The following PREP variants were observed in gnomAD, a reference collection of about 807,000 sequenced individuals.
PREP encodes the protein dJ355L5.1 (prolyl endopeptidase).
PREP carries 29 observed loss-of-function variants against 87.6 expected under a neutral mutation model. The observed-to-expected ratio is 0.33, with a 90% CI of 0.25 to 0.45. The LOEUF (loss-of-function observed/expected upper bound fraction) is 0.45. Ranked by LOEUF, PREP falls within the 20% of genes least tolerant of loss-of-function variation. PREP has a pLI of 1.00. For synonymous variants in PREP, 337 were observed against 328.6 expected (o/e 1.03, Z -0.28); for missense variants, 695 against 886.5 (o/e 0.78, Z 2.74).
chr6:105,369,403 A>G (rs1394782525), intron 5 of PREP, among the ~76,000 whole-genome samples: 2 of 152,242 alleles, frequency 1.3e-5, no homozygotes, highest in Non-Finnish European at 2.9e-5. Context: ...TTGTCTACAG[A>G]TTTAATGAAA....
intron 6 of PREP, among the ~76,000 whole-genome samples, chr6:105,360,870 C>A (rs1005460026): frequency 6.6e-6 from 1 of 152,160 alleles, no homozygotes; most frequent in African/African-American, 2.4e-5. Context: ...GAGTCTTGAT[C>A]AAACAATTCC....
chr6:105,333,210 G>A (rs1256024967), intron 8 of PREP, 104 bp downstream of exon 8: 3 of 1,146,554 alleles, frequency 2.6e-6, no homozygotes, highest in African/African-American at 3.1e-5. Context: ...CAGGTTGAAG[G>A]TTTTTTACCT....
At chr6:105,305,542 G>C (rs1770636460) in intron 10 of PREP, among the ~76,000 whole-genome samples, 1 of 152,172 alleles carries the variant, frequency 6.6e-6, no homozygotes, top group Non-Finnish European at 1.5e-5. Flanking sequence ...TAGTGGGGTG[G>C]GGAAAAACGG....
At chr6:105,330,242 TA>T (rs1407129515) in intron 8 of PREP, among the ~76,000 whole-genome samples, 1 of 152,102 alleles carries the variant, frequency 6.6e-6, no homozygotes, top group African/African-American at 2.4e-5. Flanking sequence ...TGCACGTGTC[TA>T]ACAGCTGAAT....
chr6:105,378,262 C>T (rs1395178349), intron 2 of PREP, among the ~76,000 whole-genome samples: 1 of 152,116 alleles, frequency 6.6e-6, no homozygotes, highest in Non-Finnish European at 1.5e-5. Flanking sequence ...AGATCGAGAC[C>T]ACCCTGGCCA....
chr6:105,283,337 A>T lies in PREP; in HGVS notation c.1550-755T>A, dbSNP rs1050919819. 5.9e-5 allele frequency among the ~76,000 whole-genome samples: 9 copies of T among 152,240 alleles called. No individual in the cohort carries two copies. In the South Asian group the frequency reaches 6.2e-4, roughly 11 times the overall value. On this transcript the variant is annotated intron_variant, in intron 12 of 14. Transcript: ENST00000652536. The stretch of plus-strand genomic sequence containing the variant: ...TGGAGAAACATTTACAGGGCCATGA[A>T]ATATCTATAAGTAAAGGCCAAAAGT...
chr6:105,298,048 C>T (rs1378376663), intron 10 of PREP: 2 of 152,190 alleles, frequency 1.3e-5, no homozygotes, highest in Non-Finnish European at 2.9e-5. Context: ...CGCGGCTGAC[C>T]GAAGTTACAT....
At chr6:105,327,736 T>C (rs997502720) in intron 9 of PREP, among the ~76,000 whole-genome samples, 2 of 152,126 alleles carry the variant, frequency 1.3e-5, no homozygotes, top group Non-Finnish European at 2.9e-5. Flanking sequence ...AAAAAGCACT[T>C]TGGAGGAGTT....
intron 9 of PREP, among the ~76,000 whole-genome samples, chr6:105,326,722 G>C (rs1418046957): frequency 1.3e-5 from 2 of 152,140 alleles, no homozygotes; most frequent in Non-Finnish European, 2.9e-5. Context: ...TTTTGCATTT[G>C]GTCTCACAAG....
Position 105,274,675 on chromosome 6 carries a change from G to A in PREP, c.*3469C>T, listed in dbSNP as rs1166551494. On this transcript the variant is annotated 3_prime_UTR_variant, in exon 15 of 15. Transcript: ENST00000652536. ...ACCAGCTACTGGGAAGGCTGAGGCAGGAGAATCACGTGAACCCAAGAGGTG... is the reference window on the plus strand; with the variant it reads ...ACCAGCTACTGGGAAGGCTGAGGCAAGAGAATCACGTGAACCCAAGAGGTG... Among the ~76,000 whole-genome samples the A allele has an allele frequency of 1.3e-5, 2 of 152,170 alleles. No homozygotes were observed. Among genetic ancestry groups the A allele is most frequent in the African/African-American group, 4.8e-5 (2 of 41,452 alleles).
At chr6:105,329,131 T>A in intron 8 of PREP, 105 bp from the exon 9 acceptor site, 1 of 1,081,862 alleles carries the variant, frequency 9.2e-7, no homozygotes, top group Non-Finnish European at 1.3e-6. Flanking sequence ...TATGCAGCAA[T>A]GAGACTTGCA....
intron 5 of PREP, 142 bp from the exon 6 acceptor site, chr6:105,369,166 C>A: frequency 1.3e-6 from 1 of 745,476 alleles, no homozygotes; most frequent in Non-Finnish European, 2.1e-6. Flanking sequence ...CAATTACTTT[C>A]CTATATACCA....
At position 105,281,917 on chromosome 6, in the gene PREP, T is replaced by C. The variant is rs1770089950; in HGVS notation, c.1682-15A>G. The C allele has an allele frequency of 1.9e-6, 3 of 1,611,440 alleles. No individual in the cohort carries two copies. The highest frequency in any genetic ancestry group is 1.7e-6 in the Non-Finnish European group (2 of 1,179,128). ...TGCACAAGCAGCTAAAAGCCCAACGTAGAAAGAAAAGGGAGGCAGTCTATC... is the reference window on the plus strand; with the variant it reads ...TGCACAAGCAGCTAAAAGCCCAACGCAGAAAGAAAAGGGAGGCAGTCTATC... On this transcript the variant is annotated splice_polypyrimidine_tract_variant and intron_variant, in intron 13 of 14. Transcript: ENST00000652536.
rs537948536 is a variant in PREP, at chr6:105,353,086, GA to G, written c.718-10del. 117 of 1,555,070 alleles carry G rather than the reference GA, an allele frequency of 7.5e-5. No homozygotes were observed. Among genetic ancestry groups the G allele is most frequent in the African/African-American group, 2.8e-4 (20 of 71,940 alleles). On this transcript the variant is annotated splice_polypyrimidine_tract_variant and intron_variant, in intron 6 of 14. Coordinates refer to ENST00000652536, the MANE Select transcript of PREP (RefSeq NM_002726.5). Reference sequence around the variant, plus strand: ...CGGCCATCATCAGATAACTAAAAAAGAAAAAAAAATAGTGCAGGGGACTAAT... The same window carrying G: ...CGGCCATCATCAGATAACTAAAAAAGAAAAAAAATAGTGCAGGGGACTAAT...
chr6:105,313,617 TGA>T (rs1770803088), intron 10 of PREP, among the ~76,000 whole-genome samples: 1 of 152,188 alleles, frequency 6.6e-6, no homozygotes, highest in Admixed American at 6.5e-5. Flanking sequence ...AGAAATAGGG[TGA>T]GAGACACTGG....
chr6:105,381,758 C>T (rs932108018), intron 2 of PREP, among the ~76,000 whole-genome samples: 1 of 152,050 alleles, frequency 6.6e-6, no homozygotes, highest in African/African-American at 2.4e-5. Flanking sequence ...AAAAGCAAAG[C>T]AAAGCTTCAG....
At chr6:105,329,341 C>T (rs375414738) in intron 8 of PREP, among the ~76,000 whole-genome samples, 5 of 152,026 alleles carry the variant, frequency 3.3e-5, no homozygotes, top group Non-Finnish European at 7.4e-5. Flanking sequence ...TTAGTACAGA[C>T]GGGGTTTCAC....
intron 9 of PREP, 28 bp from the exon 10 acceptor site, chr6:105,323,796 G>A: frequency 1.3e-6 from 2 of 1,554,252 alleles, no homozygotes; most frequent in Non-Finnish European, 1.8e-6. Context: ...GCTTGGTTTA[G>A]TCTACGGGAC....
chr6:105,382,302 CACACACACACAA>C (rs1240567716), intron 2 of PREP, among the ~76,000 whole-genome samples: 1 of 133,836 alleles, frequency 7.5e-6, no homozygotes, highest in African/African-American at 3.4e-5. Context: ...CACACACACA[CACACACACACAA>C]AGTATGTGAG....
Sources: allele counts gnomAD v4.1 joint callset (sites outside exome capture counted in the v4.1 genomes callset), GRCh38; gene constraint gnomAD v4.1.1; transcripts MANE v1.5; gene names NCBI Gene and HGNC (gene_info 2026-07-23, HGNC 2026-07-21).